The following BEND6 variants were observed in gnomAD, a reference collection of about 807,000 sequenced individuals.
BEND6 encodes BEN domain-containing protein 6.
A neutral mutation model predicts 31.8 loss-of-function variants in BEND6; 24 were observed. The observed-to-expected ratio is 0.75, with a 90% confidence interval of 0.55 to 1.06. The LOEUF is 1.06. BEND6 is among the 50% of genes least tolerant of loss of function. The probability of loss-of-function intolerance (pLI) is 0.00; values close to 1 mark genes in which losing one functional copy is unlikely to be tolerated. For missense variants in BEND6, 294 were observed against 327.4 expected, an observed-to-expected ratio of 0.90 and a Z score of 0.79; for synonymous variants, 109 against 114.6, an observed-to-expected ratio of 0.95 and a Z score of 0.31.
intron 3 of BEND6, among the ~76,000 whole-genome samples, chr6:57,000,608 A>C (rs907846206): frequency 2.0e-5 from 3 of 150,958 alleles, no homozygotes; most frequent in African/African-American, 7.3e-5. Context: ...ACCATAAATA[A>C]CAAGAATCCA....
chr6:57,016,247 A>G (rs1827555883), intron 4 of BEND6, among the ~76,000 whole-genome samples: 1 of 152,234 alleles, frequency 6.6e-6, no homozygotes, highest in Non-Finnish European at 1.5e-5. Flanking sequence ...ATCAAAAATG[A>G]TAAATATTAA....
chr6:57,020,277 A>ATT (rs1247013962), intron 6 of BEND6, among the ~76,000 whole-genome samples: 15 of 130,912 alleles, frequency 1.1e-4, no homozygotes, highest in East Asian at 2.2e-4. Flanking sequence ...CAAGTTCTCT[A>ATT]TTTTTTTTTT....
At chr6:57,022,630 GTTT>G (rs1221019227) in intron 6 of BEND6, among the ~76,000 whole-genome samples, 1 of 151,186 alleles carries the variant, frequency 6.6e-6, no homozygotes, top group East Asian at 1.9e-4. Flanking sequence ...TTTGTTTTTT[GTTT>G]TTTGGCTCTG....
At chr6:57,010,107 T>C (rs979494513) in intron 3 of BEND6, 1 of 152,208 alleles carries the variant, frequency 6.6e-6, no homozygotes, top group African/African-American at 2.4e-5. Flanking sequence ...AAATACCACC[T>C]GATGGAAGTT....
intron 1 of BEND6, among the ~76,000 whole-genome samples, chr6:56,974,877 T>C (rs572204222): frequency 2.2e-4 from 33 of 152,294 alleles, no homozygotes; most frequent in African/African-American, 7.5e-4. Context: ...TCCCAGCAGT[T>C]TGGGAGGCCA....
Position 56,989,270 on chromosome 6 carries a change from A to G in BEND6, c.121-3108A>G, listed in dbSNP as rs542445658. On this transcript the variant is annotated intron_variant, in intron 2 of 6. Transcript: ENST00000370746. ...CTGGAACTTGCATTTCTTACTCAAC[A>G]TTTTACTGAAATTAATTCATTTTGG... Among the ~76,000 whole-genome samples, 11 of 151,692 alleles carry G rather than the reference A, an allele frequency of 7.3e-5. No individual in the cohort carries two copies. In the East Asian group the frequency reaches 2.1e-3, roughly 29 times the overall value.
chr6:56,981,832 G>A lies in BEND6; in HGVS notation c.22G>A (p.Asp8Asn). 1.2e-6 allele frequency: 2 copies of A among 1,612,524 alleles called. No homozygotes were observed. The highest frequency in any genetic ancestry group is 1.7e-6 in the Non-Finnish European group (2 of 1,179,358). Residue 8 changes from aspartate (D) to asparagine (N), a missense_variant, in exon 2 of 7, where the codon GAT (aspartate) becomes AAT (asparagine). Physicochemically the swap from Asp to Asn is conservative, Grantham distance 23 (BLOSUM62 1). Coordinates refer to ENST00000370746, the MANE Select transcript of BEND6 (RefSeq NM_152731.3). MQKIVQT[D>N]EITNTQAFRK... ...GAAAATGCAGAAGATCGTGCAGACA[G>A]ATGAAATTACCAATACACAAGCTTT...
chr6:56,999,987 C>T lies in BEND6; in HGVS notation c.298+7432C>T, dbSNP rs182678032. ...GGAGCGCCTCTGCCTGGCCACCCATCGTCTGGGATGTGAGGAGCGCCTCTG... is the reference window on the plus strand; with the variant it reads ...GGAGCGCCTCTGCCTGGCCACCCATTGTCTGGGATGTGAGGAGCGCCTCTG... On this transcript the variant is annotated intron_variant, in intron 3 of 6. Coordinates refer to ENST00000370746, the MANE Select transcript of BEND6 (RefSeq NM_152731.3). 8.4e-3 allele frequency among the ~76,000 whole-genome samples: 1,255 copies of T among 149,960 alleles called. 6 individuals are homozygous for T. The highest frequency in any genetic ancestry group is 0.011 in the Non-Finnish European group (731 of 67,430).
intron 3 of BEND6, among the ~76,000 whole-genome samples, chr6:57,014,810 C>T (rs1827471155): frequency 1.3e-5 from 2 of 152,066 alleles, no homozygotes; most frequent in South Asian, 2.1e-4. Flanking sequence ...CAACTCAACA[C>T]CTTCAAATAA....
At chr6:57,018,807 C>A (rs79566965) in intron 6 of BEND6, among the ~76,000 whole-genome samples, 1,919 of 152,208 alleles carry the variant, frequency 0.013, 44 homozygotes, top group African/African-American at 0.044. Flanking sequence ...TCATGTGCAC[C>A]AGAAATCTCT....
At chr6:56,974,360 T>A (rs1042397645) in intron 1 of BEND6, among the ~76,000 whole-genome samples, 1 of 152,230 alleles carries the variant, frequency 6.6e-6, no homozygotes, top group Non-Finnish European at 1.5e-5. Context: ...TTATGGTTCA[T>A]CTGCCTGCCA....
intron 3 of BEND6, among the ~76,000 whole-genome samples, chr6:57,011,741 AAAAAG>A (rs775680217): frequency 2.3e-4 from 35 of 149,638 alleles, no homozygotes; most frequent in African/African-American, 3.5e-4. Flanking sequence ...AAAAAGAAAA[AAAAAG>A]AAAAGAAAAG....
intron 3 of BEND6, among the ~76,000 whole-genome samples, chr6:57,002,523 C>T (rs533845976): frequency 6.6e-6 from 1 of 152,214 alleles, no homozygotes; most frequent in African/African-American, 2.4e-5. Flanking sequence ...TACTCTCAGA[C>T]CACAGTGAAA....
chr6:57,020,156 T>C (rs547740782), intron 6 of BEND6, among the ~76,000 whole-genome samples: 23 of 152,324 alleles, frequency 1.5e-4, no homozygotes, highest in South Asian at 2.1e-4. Flanking sequence ...TAAATTTCAG[T>C]AGATTGTGAC....
chr6:56,991,354 T>G (rs977812559), intron 2 of BEND6, among the ~76,000 whole-genome samples: 1 of 152,020 alleles, frequency 6.6e-6, no homozygotes, highest in Non-Finnish European at 1.5e-5. Flanking sequence ...CAAATTTACT[T>G]TCTGGAGGTT....
chr6:56,968,643 A>T (rs372722374), intron 1 of BEND6, among the ~76,000 whole-genome samples: 2 of 152,016 alleles, frequency 1.3e-5, no homozygotes, highest in East Asian at 1.9e-4. Flanking sequence ...TTAGGCTCCT[A>T]CATAATCTCT....
At chr6:56,984,719 C>G (rs1426181745) in intron 2 of BEND6, among the ~76,000 whole-genome samples, 1 of 152,168 alleles carries the variant, frequency 6.6e-6, no homozygotes, top group Non-Finnish European at 1.5e-5. Context: ...TCAATTACGG[C>G]ATCTGTGTTC....
In BEND6 at chr6:56,992,532, G is replaced by A. The variant is rs756814276; in HGVS notation, c.275G>A (p.Arg92Gln). The change falls in exon 3 of 7, where the codon CGA becomes CAA. Residue 92 changes from arginine (R) to glutamine (Q), a missense_variant. By Grantham distance (43) the Arg-to-Gln change is conservative. Coordinates refer to ENST00000370746, the MANE Select transcript of BEND6 (RefSeq NM_152731.3). Reference sequence around the variant, plus strand: ...ACCCGGAAAGAAAACAGCCGACTTCGACAGTCTTTGGTCATGCTTCAAGGT... The same window carrying A: ...ACCCGGAAAGAAAACAGCCGACTTCAACAGTCTTTGGTCATGCTTCAAGGT... ...TNTRKENSRL[R>Q]QSLVMLQVLP... The A allele has an allele frequency of 3.1e-6, 5 of 1,613,464 alleles. No homozygotes were observed. In the African/African-American group the frequency reaches 4.0e-5, roughly 13 times the overall value.
chr6:56,994,254 TC>T (rs1826616627), intron 3 of BEND6, among the ~76,000 whole-genome samples: 1 of 151,596 alleles, frequency 6.6e-6, no homozygotes, highest in Non-Finnish European at 1.5e-5. Context: ...GGTCAGGAGA[TC>T]AAGACCATCC....
Sources: allele counts gnomAD v4.1 joint callset (sites outside exome capture counted in the v4.1 genomes callset), GRCh38; gene constraint gnomAD v4.1.1; transcripts MANE v1.5; gene names NCBI Gene and HGNC (gene_info 2026-07-23, HGNC 2026-07-21).